AIMP2: variants seen among roughly 807,000 people sequenced by gnomAD.
AIMP2 encodes aminoacyl tRNA synthetase complex interacting multifunctional protein 2.
In AIMP2, 20 loss-of-function variants were observed where a neutral mutation model predicts 23.4. That is an observed-to-expected ratio of 0.85 (90% CI 0.60 to 1.24). The LOEUF (loss-of-function observed/expected upper bound fraction) is 1.24. AIMP2 is among the 50% of genes most tolerant of loss of function. The pLI, the probability that AIMP2 is intolerant of heterozygous loss-of-function variation, is 0.00. For missense variants in AIMP2, 515 were observed against 414.5 expected (o/e 1.24, Z -2.10); for synonymous variants, 210 against 170.4 (o/e 1.23, Z -1.81).
In AIMP2 at chr7:6,015,201, A is replaced by G. The variant is rs1786946361; in HGVS notation, c.191A>G (p.Lys64Arg). The change falls in exon 2 of 4, where the codon AAA (lysine) becomes AGA (arginine). Residue 64 changes from lysine (K) to arginine (R), a missense_variant. Lys to Arg is a conservative substitution (Grantham distance 26). Coordinates refer to ENST00000223029, the MANE Select transcript of AIMP2 (RefSeq NM_006303.4). ...GAGTCCCGCCAAGATGATATTTTAA[A>G]ACGTCTGTATGAGTTGAAAGCTGCA... ...ALESRQDDIL[K>R]RLYELKAAVD... 3 of 1,614,054 alleles carry G rather than the reference A, an allele frequency of 1.9e-6. No homozygotes were observed. The highest frequency in any genetic ancestry group is 1.7e-6 in the Non-Finnish European group (2 of 1,180,040).
At chr7:6,018,331 G>C (rs1316982180) in intron 3 of AIMP2, among the ~76,000 whole-genome samples, 3 of 150,192 alleles carry the variant, frequency 2.0e-5, no homozygotes, top group Non-Finnish European at 4.4e-5. Context: ...TATATTTTTA[G>C]TAGAGACGGG....
At chr7:6,010,341 C>T (rs901419213) in intron 1 of AIMP2, among the ~76,000 whole-genome samples, 4 of 151,948 alleles carry the variant, frequency 2.6e-5, no homozygotes, top group Non-Finnish European at 5.9e-5. Context: ...CTTAAACCTT[C>T]CCTCTCCACC....
chr7:6,014,234 CTTT>C (rs1225115900), intron 1 of AIMP2, among the ~76,000 whole-genome samples: 1 of 114,856 alleles, frequency 8.7e-6, no homozygotes, highest in Non-Finnish European at 1.8e-5. Context: ...TTAGCCACAA[CTTT>C]TATTTGTTGA....
In AIMP2 at chr7:6,018,020, G is replaced by A; in HGVS notation, c.549G>A (p.Leu183=). 1 of 1,613,882 alleles carries A rather than the reference G, an allele frequency of 6.2e-7. No individual in the cohort carries two copies. The highest frequency in any genetic ancestry group is 8.5e-7 in the Non-Finnish European group (1 of 1,179,954). Residue 183 remains leucine (L), a synonymous_variant, in exon 3 of 4, where the codon CTG becomes CTA. Coordinates refer to ENST00000223029, the MANE Select transcript of AIMP2 (RefSeq NM_006303.4). ...AACAGCCCCGCCAAGACTATCAGCT[G>A]GGATTCACTTTAATTTGGAAGAATG... ...NKKQPRQDYQ[L]GFTLIWKNVP...
intron 3 of AIMP2, among the ~76,000 whole-genome samples, chr7:6,021,165 A>G (rs1407975116): frequency 2.0e-5 from 3 of 152,032 alleles, no homozygotes; most frequent in Admixed American, 6.6e-5. Context: ...ACAGTACTCT[A>G]TGAAATTGTC....
intron 2 of AIMP2, among the ~76,000 whole-genome samples, chr7:6,017,258 G>A (rs1787079884): frequency 6.6e-6 from 1 of 151,968 alleles, no homozygotes; most frequent in Non-Finnish European, 1.5e-5. Context: ...GCTCCCATCT[G>A]TAATCCCAGC....
rs192384418 is a variant in AIMP2, at chr7:6,021,784, C to T, written c.575-1519C>T. ...TCAAGGCTGCTTTTGACTTCTTTTA[C>T]GACCTGGAGTCTTCTATGATATAAG... is the stretch of plus-strand genomic sequence containing the variant. On this transcript the variant is annotated intron_variant, in intron 3 of 3. Coordinates refer to ENST00000223029, the MANE Select transcript of AIMP2 (RefSeq NM_006303.4). Among the ~76,000 whole-genome samples the T allele has an allele frequency of 2.2e-3, 339 of 152,220 alleles. 3 individuals carry two copies. In the South Asian group the frequency reaches 0.026, roughly 12 times the overall value.
At chr7:6,014,103 T>A (rs890272562) in intron 1 of AIMP2, among the ~76,000 whole-genome samples, 1 of 152,218 alleles carries the variant, frequency 6.6e-6, no homozygotes, top group African/African-American at 2.4e-5. Context: ...GCTACTTATT[T>A]AAGCAAAGTA....
At chr7:6,021,081 T>C (rs1787372497) in intron 3 of AIMP2, among the ~76,000 whole-genome samples, 1 of 152,128 alleles carries the variant, frequency 6.6e-6, no homozygotes, top group South Asian at 2.1e-4. Context: ...TCTTCAATGC[T>C]GCAGGCACTC....
chr7:6,020,020 C>CA (rs35319543), intron 3 of AIMP2, among the ~76,000 whole-genome samples: 8,296 of 80,280 alleles, frequency 0.1, 496 homozygotes, highest in Middle Eastern at 0.21. Flanking sequence ...GACTCCATCT[C>CA]AAAAAAAAAA....
chr7:6,021,125 G>C (rs1453536222), intron 3 of AIMP2, among the ~76,000 whole-genome samples: 1 of 152,114 alleles, frequency 6.6e-6, no homozygotes, highest in African/African-American at 2.4e-5. Flanking sequence ...GGGCGTCAAA[G>C]TCGTCTACTT....
intron 3 of AIMP2, among the ~76,000 whole-genome samples, chr7:6,020,880 GT>G (rs1347692237): frequency 1.3e-5 from 2 of 152,190 alleles, no homozygotes; most frequent in Non-Finnish European, 2.9e-5. Context: ...GTGCAGCTGT[GT>G]TTATGATCAG....
rs554964581 is a variant in AIMP2 at position 6,017,900 on chromosome 7, T to G, written c.429T>G (p.Cys143Trp). Reference protein sequence around the residue: ...LSLLVLHRLLCEHFRVLSTVH... With the variant: ...LSLLVLHRLLWEHFRVLSTVH... The stretch of plus-strand genomic sequence containing the variant: ...TGCTTGTGCTGCACAGGCTGCTCTG[T>G]GAGCACTTCAGGGTCCTGTCCACGG... Residue 143 changes from cysteine to tryptophan, a missense_variant, in exon 3 of 4, where the codon TGT becomes TGG. Coordinates refer to ENST00000223029, the MANE Select transcript of AIMP2 (RefSeq NM_006303.4). The G allele has an allele frequency of 1.9e-6, 3 of 1,614,122 alleles. No individual in the cohort carries two copies. The East Asian group carries it at 6.7e-5, about 36-fold the overall frequency.
In AIMP2 at chr7:6,023,815, TA is replaced by T. The variant is rs780826243; in HGVS notation, c.*128del. ...ATTTAGGCCAGTTGTCAAGTGTCAATAAAAGCATCATGTAATTTATGGTTTT... is the reference window on the plus strand; with the variant it reads ...ATTTAGGCCAGTTGTCAAGTGTCAATAAAGCATCATGTAATTTATGGTTTT... On this transcript the variant is annotated 3_prime_UTR_variant, in exon 4 of 4. Coordinates refer to ENST00000223029, the MANE Select transcript of AIMP2 (RefSeq NM_006303.4). 3.1e-5 allele frequency: 49 copies of T among 1,572,840 alleles called. No individual in the cohort carries two copies. The highest frequency in any genetic ancestry group is 4.1e-5 in the African/African-American group (3 of 73,978).
rs745755330 is a variant in AIMP2 at position 6,009,407 on chromosome 7, C to T, written c.44C>T (p.Pro15Leu). The T allele has an allele frequency of 1.2e-6, 2 of 1,611,506 alleles. No individual in the cohort carries two copies. The highest frequency in any genetic ancestry group is 2.7e-5 in the African/African-American group (2 of 74,878). Residue 15 changes from proline (P) to leucine (L), a missense_variant, in exon 1 of 4, where the codon CCT (proline) becomes CTT (leucine). Coordinates refer to ENST00000223029, the MANE Select transcript of AIMP2 (RefSeq NM_006303.4). ...AAGCCCTATCACGGGGGCGGCGCGC[C>T]TCTCCGTGTGGAGCTTCCCACCTGC... ...QVKPYHGGGA[P>L]LRVELPTCMY...
intron 1 of AIMP2, among the ~76,000 whole-genome samples, chr7:6,013,888 C>T (rs1786854087): frequency 6.6e-6 from 1 of 150,414 alleles, no homozygotes; most frequent in Non-Finnish European, 1.5e-5. Flanking sequence ...GAAGTCAAGG[C>T]TGCAGTGGGC....
At chr7:6,019,118 C>T (rs1362420162) in intron 3 of AIMP2, among the ~76,000 whole-genome samples, 1 of 151,522 alleles carries the variant, frequency 6.6e-6, no homozygotes, top group African/African-American at 2.4e-5. Flanking sequence ...ACAGCCGCCT[C>T]CAGCGTGGGG....
intron 3 of AIMP2, chr7:6,022,446 C>T (rs763419262): frequency 6.6e-6 from 1 of 152,010 alleles, no homozygotes; most frequent in African/African-American, 2.4e-5. Flanking sequence ...CCTAACCCCC[C>T]CACTGTTCAA....
intron 1 of AIMP2, among the ~76,000 whole-genome samples, chr7:6,011,051 C>G (rs1450545122): frequency 6.6e-6 from 1 of 152,144 alleles, no homozygotes; most frequent in Non-Finnish European, 1.5e-5. Context: ...CTATACCGTT[C>G]TATTGCATGA....
Sources: allele counts gnomAD v4.1 joint callset (sites outside exome capture counted in the v4.1 genomes callset), GRCh38; gene constraint gnomAD v4.1.1; transcripts MANE v1.5; gene names NCBI Gene and HGNC (gene_info 2026-07-23, HGNC 2026-07-21).